Variants in FYN observed in about 807,000 individuals in gnomAD.
FYN encodes tyrosine-protein kinase Fyn.
In FYN, 10 loss-of-function variants were observed where a neutral mutation model predicts 70.2. The observed-to-expected ratio is 0.14, with a 90% CI of 0.09 to 0.24. FYN has a LOEUF of 0.24. FYN is among the 10% of genes least tolerant of loss of function. The pLI is 1.00. For missense variants in FYN, 319 were observed against 673.1 expected (o/e 0.47, Z 5.82); for synonymous variants, 236 against 248.6 (o/e 0.95, Z 0.48).
intron 8 of FYN, among the ~76,000 whole-genome samples, chr6:111,701,681 TC>T (rs1799845186): frequency 6.6e-6 from 1 of 152,214 alleles, no homozygotes; most frequent in Admixed American, 6.5e-5. Context: ...ACCCTGGGGA[TC>T]CTGCTGATGT....
At chr6:111,840,932 C>T (rs970705488) in intron 2 of FYN, among the ~76,000 whole-genome samples, 4 of 152,228 alleles carry the variant, frequency 2.6e-5, no homozygotes, top group Non-Finnish European at 5.9e-5. Flanking sequence ...CTCATGGCTA[C>T]AGGAGAAAGC....
intron 1 of FYN, among the ~76,000 whole-genome samples, chr6:111,866,079 C>CT (rs1324487515): frequency 6.6e-6 from 1 of 152,190 alleles, no homozygotes; most frequent in African/African-American, 2.4e-5. Flanking sequence ...GCATGTATGT[C>CT]ATATGTGTAT....
intron 9 of FYN, chr6:111,699,607 GA>G (rs1799739259): frequency 3.1e-6 from 5 of 1,613,962 alleles, no homozygotes; most frequent in Non-Finnish European, 4.2e-6. Context: ...AGCCAATCCA[GA>G]AGTTTGTGGG....
At chr6:111,764,656 A>G (rs1803157246) in intron 3 of FYN, among the ~76,000 whole-genome samples, 2 of 152,288 alleles carry the variant, frequency 1.3e-5, no homozygotes, top group Non-Finnish European at 2.9e-5. Context: ...GGGGTAGGTT[A>G]ACCAAGGACC....
intron 1 of FYN, among the ~76,000 whole-genome samples, chr6:111,861,435 G>A (rs1465518694): frequency 1.3e-5 from 2 of 152,188 alleles, no homozygotes; most frequent in Non-Finnish European, 2.9e-5. Context: ...TGTGGTAGCG[G>A]GGAGGTGGCA....
intron 2 of FYN, among the ~76,000 whole-genome samples, chr6:111,797,709 T>TATAC (rs1240589615): frequency 5.7e-5 from 5 of 87,252 alleles, no homozygotes; most frequent in Admixed American, 1.1e-4. Context: ...TATATATATA[T>TATAC]ATACACACAC....
Position 111,859,528 on chromosome 6 carries a change from A to C in FYN, c.-122-12899T>G, listed in dbSNP as rs17810432. Among the ~76,000 whole-genome samples the C allele has an allele frequency of 9.1e-3, 1,385 of 152,344 alleles. 11 individuals are homozygous for C. Among genetic ancestry groups the C allele is most frequent in the Non-Finnish European group, 0.013 (916 of 68,032 alleles). On this transcript the variant is annotated intron_variant, in intron 1 of 13. Transcript: ENST00000354650. ...GAGATGACAGTTCAGCCTCCAGTTCATAGAAAAGTTCCAGGACACTCCATT... is the reference window on the plus strand; with the variant it reads ...GAGATGACAGTTCAGCCTCCAGTTCCTAGAAAAGTTCCAGGACACTCCATT...
At chr6:111,718,718 G>A (rs1562489017) in intron 4 of FYN, among the ~76,000 whole-genome samples, 1 of 152,194 alleles carries the variant, frequency 6.6e-6, no homozygotes, top group East Asian at 1.9e-4. Flanking sequence ...GGAAGGATGG[G>A]TAAAGGTACT....
intron 3 of FYN, among the ~76,000 whole-genome samples, chr6:111,769,597 A>C (rs1803363718): frequency 6.6e-6 from 1 of 152,218 alleles, no homozygotes; most frequent in South Asian, 2.1e-4. Flanking sequence ...ACTGTTAATC[A>C]AAACAGAGGT....
intron 3 of FYN, among the ~76,000 whole-genome samples, chr6:111,747,884 G>C (rs1263440277): frequency 6.6e-6 from 1 of 152,168 alleles, no homozygotes; most frequent in Non-Finnish European, 1.5e-5. Context: ...CGAATCTCCA[G>C]GATAGGCACT....
chr6:111,665,076 TTG>T (rs1338160456), intron 13 of FYN, among the ~76,000 whole-genome samples: 1 of 152,150 alleles, frequency 6.6e-6, no homozygotes, highest in Non-Finnish European at 1.5e-5. Flanking sequence ...ATTGAATGGA[TTG>T]TGTTAATTCA....
At chr6:111,705,573 G>C (rs777461544) in intron 6 of FYN, among the ~76,000 whole-genome samples, 25 of 152,244 alleles carry the variant, frequency 1.6e-4, no homozygotes, top group Non-Finnish European at 2.6e-4. Flanking sequence ...TAGAGGCTAA[G>C]AGTGGTGGCT....
chr6:111,676,704 T>G (rs1562464853), intron 12 of FYN, among the ~76,000 whole-genome samples: 1 of 152,226 alleles, frequency 6.6e-6, no homozygotes, highest in Non-Finnish European at 1.5e-5. Flanking sequence ...GGCTTGGAAA[T>G]CTCTGACCAT....
At chr6:111,732,519 T>G (rs530060912) in intron 3 of FYN, among the ~76,000 whole-genome samples, 56 of 152,222 alleles carry the variant, frequency 3.7e-4, no homozygotes, top group African/African-American at 1.3e-3. Flanking sequence ...GTGAAGGGTG[T>G]GCAGGCTGCC....
chr6:111,764,216 C>CAAAA (rs11409465), intron 3 of FYN, among the ~76,000 whole-genome samples: 9 of 58,382 alleles, frequency 1.5e-4, no homozygotes, highest in East Asian at 8.6e-4. Context: ...TTTTGTCAAG[C>CAAAA]AAAAAAAAAA....
intron 8 of FYN, among the ~76,000 whole-genome samples, 161 bp from the exon 9 acceptor site, chr6:111,700,429 C>A (rs1054583390): frequency 6.6e-6 from 1 of 151,972 alleles, no homozygotes; most frequent in Non-Finnish European, 1.5e-5. Context: ...TAGCAGCACA[C>A]AGCGCTCCTT....
intron 2 of FYN, among the ~76,000 whole-genome samples, chr6:111,786,735 T>A (rs1200206060): frequency 6.6e-6 from 1 of 152,248 alleles, no homozygotes; most frequent in Non-Finnish European, 1.5e-5. Flanking sequence ...TGTTCTTTCC[T>A]GACTTTTTAA....
intron 6 of FYN, among the ~76,000 whole-genome samples, chr6:111,705,416 C>A (rs1800034629): frequency 6.8e-6 from 1 of 147,656 alleles, no homozygotes; most frequent in Non-Finnish European, 1.5e-5. Flanking sequence ...GACAGGGTCT[C>A]ACTCTGTCAC....
chr6:111,720,741 A>G (rs1446531327), intron 3 of FYN, among the ~76,000 whole-genome samples: 1 of 152,202 alleles, frequency 6.6e-6, no homozygotes, highest in East Asian at 1.9e-4. Context: ...TAAAGCTGCT[A>G]ATTAACTTTT....
Sources: allele counts gnomAD v4.1 joint callset (sites outside exome capture counted in the v4.1 genomes callset), GRCh38; gene constraint gnomAD v4.1.1; transcripts MANE v1.5; gene names NCBI Gene and HGNC (gene_info 2026-07-23, HGNC 2026-07-21).